Variants in CDH4 observed in about 807,000 individuals in gnomAD.
The protein encoded by CDH4 is cadherin-4.
In CDH4, 33 loss-of-function variants were observed where a neutral mutation model predicts 86.0. That is an observed-to-expected ratio of 0.38 (90% CI 0.29 to 0.51). CDH4 has a LOEUF of 0.51. Among genes scored for constraint, CDH4 ranks in the 20% least tolerant of loss-of-function variants. CDH4 has a pLI of 0.86. For synonymous variants in CDH4, 555 were observed against 549.4 expected (o/e 1.01, Z -0.14); for missense variants, 1,114 against 1,307.4 (o/e 0.85, Z 2.28).
chr20:61,705,319 G>A (rs8116851), intron 2 of CDH4, among the ~76,000 whole-genome samples: 14 of 152,344 alleles, frequency 9.2e-5, no homozygotes, highest in African/African-American at 2.9e-4. Flanking sequence ...TCCACCTGGC[G>A]GGGGAGATGG....
chr20:61,610,370 GAA>G (rs2086675681), intron 2 of CDH4, among the ~76,000 whole-genome samples: 1 of 152,196 alleles, frequency 6.6e-6, no homozygotes, highest in Non-Finnish European at 1.5e-5. Context: ...CTGTGTACAT[GAA>G]CTACATTGTC....
At chr20:61,840,499 C>T (rs1982111147) in intron 4 of CDH4, among the ~76,000 whole-genome samples, 1 of 152,214 alleles carries the variant, frequency 6.6e-6, no homozygotes, top group African/African-American at 2.4e-5. Flanking sequence ...GCAGAAGTCC[C>T]TGGGTGAACA....
At chr20:61,346,387 C>T (rs374997929) in intron 2 of CDH4, among the ~76,000 whole-genome samples, 25 of 152,166 alleles carry the variant, frequency 1.6e-4, no homozygotes, top group East Asian at 5.8e-4. Context: ...TGCATTCCCA[C>T]GGCCATGAGG....
intron 2 of CDH4, among the ~76,000 whole-genome samples, chr20:61,394,094 G>T (rs930591297): frequency 1.3e-5 from 2 of 152,170 alleles, no homozygotes; most frequent in Non-Finnish European, 2.9e-5. Context: ...CAGGAAGGAG[G>T]CCACCCTCAG....
intron 2 of CDH4, among the ~76,000 whole-genome samples, chr20:61,733,674 A>G (rs2088224152): frequency 6.6e-6 from 1 of 152,096 alleles, no homozygotes. Context: ...GGACACAGAG[A>G]AAGAGAGAAA....
At chr20:61,732,295 T>C (rs1214502898) in intron 2 of CDH4, among the ~76,000 whole-genome samples, 2 of 152,314 alleles carry the variant, frequency 1.3e-5, no homozygotes, top group East Asian at 3.9e-4. Context: ...ACTCAGTCTC[T>C]GCACTGCCTC....
intron 2 of CDH4, among the ~76,000 whole-genome samples, chr20:61,474,827 C>G (rs542649128): frequency 6.6e-6 from 1 of 152,182 alleles, no homozygotes; most frequent in South Asian, 2.1e-4. Context: ...TACTCTAGAG[C>G]TGTCTGTTGT....
chr20:61,870,260 T>C lies in CDH4; in HGVS notation c.878-3468T>C, dbSNP rs147579912. On this transcript the variant is annotated intron_variant, in intron 6 of 15. Coordinates refer to ENST00000614565, the MANE Select transcript of CDH4 (RefSeq NM_001794.5). ...CGTGGGCAGCAGGCCATCCGTGAGA[T>C]TTCTCTGAGACATGACAAACCCATG... is the stretch of plus-strand genomic sequence containing the variant. Among the ~76,000 whole-genome samples, 29 of 152,270 alleles carry C rather than the reference T, an allele frequency of 1.9e-4. No individual in the cohort carries two copies. The East Asian group carries it at 5.6e-3, about 30-fold the overall frequency.
chr20:61,432,985 C>G (rs969201827), intron 2 of CDH4, among the ~76,000 whole-genome samples: 1 of 151,800 alleles, frequency 6.6e-6, no homozygotes, highest in African/African-American at 2.4e-5. Flanking sequence ...ATTACAGGCA[C>G]GTGCCACCAC....
chr20:61,658,529 G>T (rs1277870807), intron 2 of CDH4, among the ~76,000 whole-genome samples: 1 of 152,208 alleles, frequency 6.6e-6, no homozygotes, highest in East Asian at 1.9e-4. Context: ...AGCCTGCCCT[G>T]CACAAAACTC....
intron 6 of CDH4, among the ~76,000 whole-genome samples, chr20:61,870,152 G>A (rs1248285444): frequency 6.6e-6 from 1 of 152,212 alleles, no homozygotes; most frequent in Admixed American, 6.5e-5. Context: ...GTAGGGCTGA[G>A]TGGAGAAGAG....
intron 2 of CDH4, among the ~76,000 whole-genome samples, chr20:61,310,401 G>C (rs1325512812): frequency 6.6e-6 from 1 of 152,156 alleles, no homozygotes; most frequent in Non-Finnish European, 1.5e-5. Flanking sequence ...GGTTGGGTGG[G>C]GGTTGGTGTC....
intron 2 of CDH4, among the ~76,000 whole-genome samples, chr20:61,528,455 G>A (rs1310875983): frequency 9.5e-6 from 1 of 105,156 alleles, no homozygotes; most frequent in Non-Finnish European, 2.0e-5. Flanking sequence ...GGGGGGTGGA[G>A]GGGGAGAGGG....
At chr20:61,910,975 G>A (rs913425511) in intron 9 of CDH4, among the ~76,000 whole-genome samples, 3 of 152,192 alleles carry the variant, frequency 2.0e-5, no homozygotes, top group African/African-American at 7.2e-5. Context: ...GTAACACATT[G>A]AAGAATTTGT....
chr20:61,276,665 T>G (rs1326661477), intron 2 of CDH4, among the ~76,000 whole-genome samples: 2 of 152,286 alleles, frequency 1.3e-5, no homozygotes, highest in Admixed American at 6.5e-5. Context: ...TCAGCTGTTT[T>G]GATGGGATGG....
intron 2 of CDH4, among the ~76,000 whole-genome samples, chr20:61,261,032 C>T (rs1245987474): frequency 6.6e-6 from 1 of 152,198 alleles, no homozygotes; most frequent in Admixed American, 6.5e-5. Context: ...CCGCCCCGGG[C>T]TCTGCACAGC....
chr20:61,457,866 A>T (rs537569918), intron 2 of CDH4, among the ~76,000 whole-genome samples: 2 of 142,228 alleles, frequency 1.4e-5, no homozygotes, highest in African/African-American at 5.4e-5. Context: ...GGTGGTGGTG[A>T]TGGTGATGGT....
intron 2 of CDH4, among the ~76,000 whole-genome samples, chr20:61,401,643 A>G (rs948304454): frequency 6.6e-6 from 1 of 152,226 alleles, no homozygotes; most frequent in African/African-American, 2.4e-5. Context: ...GCACTGTGAC[A>G]TATCATGACC....
chr20:61,583,458 C>T (rs1446343366), intron 2 of CDH4, among the ~76,000 whole-genome samples: 4 of 152,068 alleles, frequency 2.6e-5, no homozygotes, highest in South Asian at 2.1e-4. Flanking sequence ...GTCACACACG[C>T]GTTCTGTGCA....
Sources: allele counts gnomAD v4.1 joint callset (sites outside exome capture counted in the v4.1 genomes callset), GRCh38; gene constraint gnomAD v4.1.1; transcripts MANE v1.5; gene names NCBI Gene and HGNC (gene_info 2026-07-23, HGNC 2026-07-21).